GPKOW: variants seen among roughly 807,000 people sequenced by gnomAD.
The protein encoded by GPKOW is G-patch domain and KOW motifs-containing protein.
For missense variants in GPKOW, 359 were observed against 404.7 expected (o/e 0.89, Z 0.97); for synonymous variants, 167 against 159.1 (o/e 1.05, Z -0.37).
In GPKOW at chrX:49,113,697, C is replaced by T; in HGVS notation, c.1355G>A (p.Arg452Lys). ...GTGAAGCTCCACCACCTGATTTTCTCTTGGCAGTTGCACCAAAGCCCGGCT... is the reference window on the plus strand; with the variant it reads ...GTGAAGCTCCACCACCTGATTTTCTTTTGGCAGTTGCACCAAAGCCCGGCT... Reference protein sequence around the residue: ...ARSRALVQLPRENQVVELHYD... With the variant: ...ARSRALVQLPKENQVVELHYD... Residue 452 changes from arginine to lysine, a missense_variant, in exon 11 of 11, where the codon AGA becomes AAA. Transcript: ENST00000156109. 1 of 1,209,614 alleles carries T rather than the reference C, an allele frequency of 8.3e-7. No individual in the cohort carries two copies. Among genetic ancestry groups the T allele is most frequent in the South Asian group, 1.8e-5 (1 of 56,572 alleles).
chrX:49,118,046 G>A (rs1261316838), intron 4 of GPKOW, among the ~76,000 whole-genome samples: 1 of 109,713 alleles, frequency 9.1e-6, no homozygotes, highest in African/African-American at 3.3e-5. Context: ...TCAGCCTCCC[G>A]AGTTGCTGGG....
intron 1 of GPKOW, 46 bp from the exon 2 acceptor site, chrX:49,122,822 G>A: frequency 9.2e-7 from 1 of 1,090,554 alleles, no homozygotes; most frequent in South Asian, 1.9e-5. Flanking sequence ...GGCAGGGTCA[G>A]TGGGTCACAC....
At chrX:49,115,404 G>T (rs1487806918) in intron 9 of GPKOW, among the ~76,000 whole-genome samples, 1 of 105,691 alleles carries the variant, frequency 9.5e-6, no homozygotes, top group African/African-American at 3.4e-5. Context: ...CTACTCGGGA[G>T]GCTGAGGCAG....
At chrX:49,122,871 C>T in intron 1 of GPKOW, 95 bp from the exon 2 acceptor site, 1 of 673,143 alleles carries the variant, frequency 1.5e-6, no homozygotes, top group South Asian at 2.6e-5. Flanking sequence ...AAACTCACCC[C>T]AGCCCCACAG....
At chrX:49,119,118 AT>A (rs1221353253) in intron 4 of GPKOW, among the ~76,000 whole-genome samples, 1 of 106,517 alleles carries the variant, frequency 9.4e-6, no homozygotes, top group African/African-American at 3.4e-5. Flanking sequence ...TGCCCGGCTA[AT>A]TTTTTGTATT....
chrX:49,121,467 A>G (rs1449593198), intron 3 of GPKOW, among the ~76,000 whole-genome samples: 1 of 111,269 alleles, frequency 9.0e-6, no homozygotes, highest in Non-Finnish European at 1.9e-5. Flanking sequence ...TGTTGAAGGA[A>G]ACCAGGGCAC....
intron 5 of GPKOW, 127 bp from the exon 6 acceptor site, chrX:49,117,289 C>A: frequency 1.4e-6 from 1 of 694,677 alleles, no homozygotes; most frequent in Admixed American, 3.1e-5. Flanking sequence ...ACTCTGACCC[C>A]TGAGAAGTGG....
In GPKOW at chrX:49,113,942, T is replaced by C. The variant is rs1557089754; in HGVS notation, c.1211-4A>G. The C allele has an allele frequency of 1.5e-5, 18 of 1,163,645 alleles. No individual in the cohort carries two copies. In the Admixed American group the frequency reaches 3.3e-4, roughly 21 times the overall value. On this transcript the variant is annotated splice_region_variant and splice_polypyrimidine_tract_variant and intron_variant, in intron 9 of 10. Coordinates refer to ENST00000156109, the MANE Select transcript of GPKOW (RefSeq NM_015698.6). ...TCCAGCATGTCTTCCCTCAGGCCTA[T>C]GGATAAGGGAGAGGGGAGTGAGGCC...
Position 49,113,617 on chromosome X carries a change from T to C in GPKOW, c.*4A>G. 6 of 1,209,278 alleles carry C rather than the reference T, an allele frequency of 5.0e-6. No individual in the cohort carries two copies. The highest frequency in any genetic ancestry group is 6.7e-6 in the Non-Finnish European group (6 of 893,602). On this transcript the variant is annotated 3_prime_UTR_variant, in exon 11 of 11. Transcript: ENST00000156109. ...AGCCTGGGGGATGGGAGGAGTCCCA[T>C]GGGTCAGTCATCATCTGTGTCACTA...
rs1557089670 is a variant in GPKOW, at chrX:49,113,663, G to A, written c.1389C>T (p.Ala463=). The A allele has an allele frequency of 1.7e-6, 2 of 1,209,791 alleles. No homozygotes were observed. Among genetic ancestry groups the A allele is most frequent in the Non-Finnish European group, 2.2e-6 (2 of 893,974 alleles). The change falls in exon 11 of 11, where the codon GCC becomes GCT. Residue 463 remains alanine, a synonymous_variant. Transcript: ENST00000156109. ...ENQVVELHYD[A]ICQYMGPSDT... ...CACTAGGGCCCATGTACTGGCAGATGGCATCGTAGTGAAGCTCCACCACCT... is the reference window on the plus strand; with the variant it reads ...CACTAGGGCCCATGTACTGGCAGATAGCATCGTAGTGAAGCTCCACCACCT...
chrX:49,120,810 C>T (rs1238882141), intron 3 of GPKOW, among the ~76,000 whole-genome samples: 3 of 110,288 alleles, frequency 2.7e-5, no homozygotes, highest in African/African-American at 6.6e-5. Flanking sequence ...ATTACAGGCA[C>T]GTGCCACCAT....
At chrX:49,121,723 C>A (rs924109214) in intron 3 of GPKOW, among the ~76,000 whole-genome samples, 4 of 110,784 alleles carry the variant, frequency 3.6e-5, no homozygotes, top group Non-Finnish European at 7.6e-5. Context: ...CTGATGGACA[C>A]ACCATATCGA....
In GPKOW at chrX:49,117,577, G is replaced by A. The variant is rs782504752; in HGVS notation, c.780+20C>T. 2.9e-5 allele frequency: 33 copies of A among 1,143,684 alleles called. No homozygotes were observed. The South Asian group carries it at 2.9e-4, about 10-fold the overall frequency. The allele number at this position is 1,143,684 out of a possible 1,213,427, so 94.3% of individuals were successfully genotyped here. On this transcript the variant is annotated intron_variant, in intron 5 of 10. Transcript: ENST00000156109. ...TCCCTGCTGCCTGTTTTGGGCTCCC[G>A]GGATATCTTGGTTCCTTACCTTCCC...
chrX:49,117,785 G>A lies in GPKOW; in HGVS notation c.592C>T (p.Leu198=). The A allele has an allele frequency of 8.3e-7, 1 of 1,201,959 alleles. No homozygotes were observed. Among genetic ancestry groups the A allele is most frequent in the South Asian group, 1.8e-5 (1 of 56,113 alleles). Residue 198 remains leucine (L), a synonymous_variant, in exon 5 of 11, where the codon CTG becomes TTG. Transcript: ENST00000156109. ...CCCAGCCCTAACCCCTTGGGCCTCA[G>A]TGAGTTGACACGGGGCTTCACTACT... ...NQVVKPRVNS[L]RPKGLGLGAN...
intron 4 of GPKOW, among the ~76,000 whole-genome samples, chrX:49,118,065 C>T (rs1206151873): frequency 9.1e-6 from 1 of 109,837 alleles, no homozygotes; most frequent in East Asian, 2.9e-4. Flanking sequence ...GGGTTACAGG[C>T]GCATGCCACC....
chrX:49,120,259 T>C (rs781981794), intron 3 of GPKOW, among the ~76,000 whole-genome samples: 2 of 111,335 alleles, frequency 1.8e-5, no homozygotes, highest in Non-Finnish European at 3.8e-5. Flanking sequence ...GAGGGAGCCA[T>C]GAGGATATGA....
At chrX:49,119,450 T>G (rs1880571537) in intron 4 of GPKOW, among the ~76,000 whole-genome samples, 1 of 111,308 alleles carries the variant, frequency 9.0e-6, no homozygotes. Context: ...ACCTATGAAG[T>G]CAGTACTATT....
intron 9 of GPKOW, among the ~76,000 whole-genome samples, chrX:49,115,503 T>C (rs2065189649): frequency 2.2e-5 from 1 of 45,761 alleles, no homozygotes; most frequent in East Asian, 7.3e-4. Context: ...TGAGACTCTG[T>C]CTCAAAAAAA....
chrX:49,122,814 C>G (rs1557091335), intron 1 of GPKOW, 38 bp from the exon 2 acceptor site: 1 of 1,133,826 alleles, frequency 8.8e-7, no homozygotes, highest in African/African-American at 1.8e-5. Context: ...GGGAGAATGG[C>G]AGGGTCAGTG....
Sources: allele counts gnomAD v4.1 joint callset (sites outside exome capture counted in the v4.1 genomes callset), GRCh38; gene constraint gnomAD v4.1.1; transcripts MANE v1.5; gene names NCBI Gene and HGNC (gene_info 2026-07-23, HGNC 2026-07-21).